The following ELF2 variants were observed in gnomAD, a reference collection of about 807,000 sequenced individuals.
The protein encoded by ELF2 is E74 like ETS transcription factor 2.
A neutral mutation model predicts 54.8 loss-of-function variants in ELF2; 11 were observed. The ratio of observed to expected loss-of-function variants is 0.20; its 90% CI spans 0.13 to 0.33. The LOEUF (loss-of-function observed/expected upper bound fraction) is 0.33, where lower values mean the gene tolerates loss of function less well. ELF2 is among the 10% of genes least tolerant of loss of function. ELF2 has a pLI of 1.00. For missense variants in ELF2, 513 were observed against 703.0 expected (o/e 0.73, Z 3.06); for synonymous variants, 203 against 245.1 (o/e 0.83, Z 1.61).
intron 4 of ELF2, among the ~76,000 whole-genome samples, chr4:139,077,459 TACTA>T (rs980479213): frequency 1.1e-4 from 16 of 152,238 alleles, no homozygotes; most frequent in East Asian, 9.6e-4. Flanking sequence ...CATTTTTATT[TACTA>T]ACTAAAATAA....
intron 6 of ELF2, 35 bp downstream of exon 6, chr4:139,071,831 A>G: frequency 6.5e-7 from 1 of 1,547,022 alleles, no homozygotes; most frequent in African/African-American, 1.4e-5. Context: ...AAAAATTTTC[A>G]CCTGCCTTCT....
At chr4:139,111,642 G>C (rs572347105) in intron 4 of ELF2, among the ~76,000 whole-genome samples, 2 of 152,108 alleles carry the variant, frequency 1.3e-5, no homozygotes, top group South Asian at 4.2e-4. Flanking sequence ...TTTGAGTCTC[G>C]CCCAGGTCCT....
intron 4 of ELF2, among the ~76,000 whole-genome samples, chr4:139,103,627 T>C (rs1016657446): frequency 3.9e-5 from 6 of 152,376 alleles, no homozygotes; most frequent in South Asian, 4.1e-4. Context: ...TTTCTTCATC[T>C]GTATCCTTTA....
intron 4 of ELF2, among the ~76,000 whole-genome samples, chr4:139,077,562 A>C (rs1312490835): frequency 6.6e-6 from 1 of 152,216 alleles, no homozygotes; most frequent in African/African-American, 2.4e-5. Flanking sequence ...ACATTTTGTA[A>C]AAGTGAGCAC....
At chr4:139,084,174 T>C (rs894479946) in intron 4 of ELF2, 10 of 1,613,592 alleles carry the variant, frequency 6.2e-6, no homozygotes, top group Admixed American at 1.7e-5. Flanking sequence ...GGGTCCCTCA[T>C]GCAGAGACGT....
chr4:139,072,191 G>T, intron 5 of ELF2, 152 bp from the exon 6 acceptor site: 2 of 691,900 alleles, frequency 2.9e-6, no homozygotes, highest in Non-Finnish European at 4.6e-6. Flanking sequence ...CTGAATATTC[G>T]ATATGATTTA....
At chr4:139,129,962 AC>A (rs1006834102) in intron 3 of ELF2, among the ~76,000 whole-genome samples, 1 of 152,160 alleles carries the variant, frequency 6.6e-6, no homozygotes, top group Admixed American at 6.5e-5. Flanking sequence ...TGAAGTTTTA[AC>A]CCCTAGCTTC....
intron 4 of ELF2, among the ~76,000 whole-genome samples, chr4:139,098,240 G>A (rs1733494364): frequency 2.6e-5 from 4 of 152,052 alleles, no homozygotes; most frequent in African/African-American, 9.7e-5. Context: ...CCACTATTTT[G>A]TAGATATGTC....
intron 4 of ELF2, among the ~76,000 whole-genome samples, chr4:139,121,095 A>G (rs1352571928): frequency 1.7e-4 from 11 of 65,064 alleles, no homozygotes; most frequent in African/African-American, 8.4e-4. Flanking sequence ...TATAACACAG[A>G]TTTTTTTTTT....
chr4:139,146,474 C>T (rs992486611), intron 1 of ELF2, among the ~76,000 whole-genome samples: 1 of 152,170 alleles, frequency 6.6e-6, no homozygotes, highest in East Asian at 1.9e-4. Flanking sequence ...AGATTCAATA[C>T]AAATCTGATC....
At chr4:139,106,908 T>C (rs1734475991) in intron 4 of ELF2, among the ~76,000 whole-genome samples, 1 of 151,884 alleles carries the variant, frequency 6.6e-6, no homozygotes, top group East Asian at 1.9e-4. Context: ...CATGCCTGGC[T>C]ATTTTTTTTT....
rs575593363 is a variant in ELF2, at chr4:139,121,270, G to A, written c.238+3894C>T. 6.6e-5 allele frequency among the ~76,000 whole-genome samples: 10 copies of A among 150,700 alleles called. No homozygotes were observed. The East Asian group carries it at 1.4e-3, about 21-fold the overall frequency. On this transcript the variant is annotated intron_variant, in intron 4 of 9. Coordinates refer to ENST00000686138, the MANE Select transcript of ELF2 (RefSeq NM_001331036.3). ...ACTACAGGCGCCCGCTACCACGCCC[G>A]GCTAATTTTTTGTATTTTTAGTAGA...
At chr4:139,072,660 C>T (rs1258520496) in intron 5 of ELF2, among the ~76,000 whole-genome samples, 1 of 152,166 alleles carries the variant, frequency 6.6e-6, no homozygotes, top group Non-Finnish European at 1.5e-5. Flanking sequence ...CTAGTACATA[C>T]AGTAATGTTG....
At chr4:139,151,102 G>T (rs1308496312) in intron 1 of ELF2, among the ~76,000 whole-genome samples, 1 of 140,882 alleles carries the variant, frequency 7.1e-6, no homozygotes. Context: ...GAAAAAGAGA[G>T]CTATTTAATA....
chr4:139,067,996 T>G (rs1446185572), intron 6 of ELF2, among the ~76,000 whole-genome samples: 2 of 152,160 alleles, frequency 1.3e-5, no homozygotes, highest in Admixed American at 1.3e-4. Context: ...GAGCCTCGAT[T>G]GCCATATACA....
intron 1 of ELF2, among the ~76,000 whole-genome samples, chr4:139,157,461 A>G (rs999809506): frequency 7.2e-5 from 11 of 152,008 alleles, no homozygotes; most frequent in Admixed American, 3.9e-4. Context: ...GTGCAGTGGC[A>G]TCACATTACA....
At chr4:139,136,219 C>G (rs1025276194) in intron 3 of ELF2, among the ~76,000 whole-genome samples, 1 of 152,018 alleles carries the variant, frequency 6.6e-6, no homozygotes, top group African/African-American at 2.4e-5. Flanking sequence ...AAGACATTGA[C>G]GATGGGAAGA....
intron 4 of ELF2, chr4:139,084,488 G>GTGGCTGTGGC: frequency 1.0e-6 from 1 of 978,480 alleles, no homozygotes; most frequent in East Asian, 6.1e-5. Context: ...CGCCGCAGCT[G>GTGGCTGTGGC]GCAACGCGAT....
chr4:139,099,743 A>G (rs1231436284), intron 4 of ELF2, among the ~76,000 whole-genome samples: 1 of 152,210 alleles, frequency 6.6e-6, no homozygotes, highest in Non-Finnish European at 1.5e-5. Context: ...CTTGGAAGGT[A>G]TTTACTACCT....
Sources: allele counts gnomAD v4.1 joint callset (sites outside exome capture counted in the v4.1 genomes callset), GRCh38; gene constraint gnomAD v4.1.1; transcripts MANE v1.5; gene names NCBI Gene and HGNC (gene_info 2026-07-23, HGNC 2026-07-21).